Variants in MRPL13 observed in about 807,000 individuals in gnomAD.
MRPL13 encodes mitochondrial ribosomal protein L13.
A neutral mutation model predicts 29.0 loss-of-function variants in MRPL13; 33 were observed. That is an observed-to-expected ratio of 1.14 (90% CI 0.86 to 1.52). MRPL13 has a LOEUF of 1.52. Among genes scored for constraint, MRPL13 ranks in the 40% most tolerant of loss-of-function variants. The pLI, the probability that MRPL13 is intolerant of heterozygous loss-of-function variation, is 0.00. For synonymous variants in MRPL13, 77 were observed against 68.4 expected, an observed-to-expected ratio of 1.13 and a Z score of -0.62; for missense variants, 227 against 216.7, an observed-to-expected ratio of 1.05 and a Z score of -0.30.
At chr8:120,432,009 C>A in intron 3 of MRPL13, 21 bp downstream of exon 3, 1 of 1,508,318 alleles carries the variant, frequency 6.6e-7, no homozygotes, top group South Asian at 1.3e-5. Context: ...CCTAATTTCC[C>A]TGACAACAGC....
At chr8:120,411,015 T>A (rs1169945407) in intron 6 of MRPL13, among the ~76,000 whole-genome samples, 1 of 151,672 alleles carries the variant, frequency 6.6e-6, no homozygotes, top group African/African-American at 2.4e-5. Flanking sequence ...CAACCTTAGG[T>A]GATCCACCGC....
chr8:120,442,065 T>C (rs571074679), intron 2 of MRPL13, among the ~76,000 whole-genome samples: 1 of 152,250 alleles, frequency 6.6e-6, no homozygotes, highest in South Asian at 2.1e-4. Context: ...TGCACAGACA[T>C]TTCACAGGAC....
intron 3 of MRPL13, among the ~76,000 whole-genome samples, chr8:120,430,270 A>G (rs1212965689): frequency 6.6e-6 from 1 of 152,194 alleles, no homozygotes; most frequent in East Asian, 1.9e-4. Flanking sequence ...TCAAAAAACA[A>G]AACAAAATGA....
chr8:120,408,376 TAG>T (rs1812701869), intron 6 of MRPL13, among the ~76,000 whole-genome samples: 1 of 152,232 alleles, frequency 6.6e-6, no homozygotes, highest in Non-Finnish European at 1.5e-5. Context: ...GTTGTTTAAA[TAG>T]AGACTACTTT....
At chr8:120,421,891 T>TTATATATA (rs1317484472) in intron 4 of MRPL13, among the ~76,000 whole-genome samples, 1 of 151,798 alleles carries the variant, frequency 6.6e-6, no homozygotes, top group Non-Finnish European at 1.5e-5. Flanking sequence ...AAAGTATAAT[T>TTATATATA]TATTGTTAAC....
intron 4 of MRPL13, 96 bp from the exon 5 acceptor site, chr8:120,420,034 G>T: frequency 1.4e-6 from 1 of 704,622 alleles, no homozygotes; most frequent in Non-Finnish European, 2.1e-6. Context: ...GAGGGGTTTA[G>T]ATTCAACACG....
intron 6 of MRPL13, among the ~76,000 whole-genome samples, chr8:120,401,473 CA>C (rs1406229788): frequency 6.6e-6 from 1 of 152,134 alleles, no homozygotes; most frequent in African/African-American, 2.4e-5. Context: ...TAAAAACTCT[CA>C]ATAAACTAGG....
At chr8:120,416,751 T>C (rs982556887) in intron 5 of MRPL13, among the ~76,000 whole-genome samples, 13 of 152,200 alleles carry the variant, frequency 8.5e-5, no homozygotes, top group Admixed American at 2.0e-4. Context: ...TCTGTCTATA[T>C]ACAAACACTT....
At chr8:120,403,089 GC>G in intron 6 of MRPL13, among the ~76,000 whole-genome samples, 1 of 152,156 alleles carries the variant, frequency 6.6e-6, no homozygotes, top group East Asian at 1.9e-4. Context: ...AGACAGTGTG[GC>G]AATTCCTCAA....
At chr8:120,437,066 T>G (rs190919591) in intron 2 of MRPL13, among the ~76,000 whole-genome samples, 69 of 152,304 alleles carry the variant, frequency 4.5e-4, no homozygotes, top group Non-Finnish European at 5.6e-4. Context: ...GAGATACGTA[T>G]TCTAGATATA....
chr8:120,411,669 G>GA lies in MRPL13; in HGVS notation c.515+2321dup, dbSNP rs376465980. Among the ~76,000 whole-genome samples, 110 of 152,190 alleles carry GA rather than the reference G, an allele frequency of 7.2e-4. 1 individual carries two copies. The highest frequency in any genetic ancestry group is 2.5e-3 in the African/African-American group (105 of 41,544). ...ACATATGCGTGTGACTATTTATGAG[G>GA]AAAAAATCACAACCTTAATAAAGCA... On this transcript the variant is annotated intron_variant, in intron 6 of 6. Coordinates refer to ENST00000306185, the MANE Select transcript of MRPL13 (RefSeq NM_014078.6).
intron 6 of MRPL13, among the ~76,000 whole-genome samples, chr8:120,410,788 CTTTT>C: frequency 6.7e-6 from 1 of 148,550 alleles, no homozygotes; most frequent in South Asian, 2.1e-4. Flanking sequence ...CTTTCTCTCT[CTTTT>C]TTTTTTGAGA....
chr8:120,436,021 T>C (rs549704011), intron 2 of MRPL13, among the ~76,000 whole-genome samples: 5 of 152,094 alleles, frequency 3.3e-5, no homozygotes, highest in Non-Finnish European at 7.4e-5. Context: ...AAGAAATTCT[T>C]GTTAATCAAT....
chr8:120,424,242 G>A lies in MRPL13; in HGVS notation c.306+1064C>T, dbSNP rs1378452282. Reference sequence around the variant, plus strand: ...CAGTACATATTGACCCTGATCAATTGTTTAGAAAGATTCCAATTCCAATCT... The same window carrying A: ...CAGTACATATTGACCCTGATCAATTATTTAGAAAGATTCCAATTCCAATCT... On this transcript the variant is annotated intron_variant, in intron 4 of 6. Coordinates refer to ENST00000306185, the MANE Select transcript of MRPL13 (RefSeq NM_014078.6). 5.9e-5 allele frequency among the ~76,000 whole-genome samples: 9 copies of A among 152,222 alleles called. 1 individual carries two copies. The South Asian group carries it at 1.9e-3, about 32-fold the overall frequency.
intron 4 of MRPL13, among the ~76,000 whole-genome samples, chr8:120,420,731 T>C (rs1812863256): frequency 6.6e-6 from 1 of 151,732 alleles, no homozygotes; most frequent in Non-Finnish European, 1.5e-5. Flanking sequence ...ACTGACAATG[T>C]TAAGACTATC....
chr8:120,398,491 C>A lies in MRPL13; in HGVS notation c.516-2366G>T, dbSNP rs543475816. Among the ~76,000 whole-genome samples, 72 of 152,294 alleles carry A rather than the reference C, an allele frequency of 4.7e-4. 2 individuals are homozygous for A. Among genetic ancestry groups the A allele is most frequent in the East Asian group, 1.9e-3 (10 of 5,188 alleles). On this transcript the variant is annotated intron_variant, in intron 6 of 6. Coordinates refer to ENST00000306185, the MANE Select transcript of MRPL13 (RefSeq NM_014078.6). ...ACAAAAAAGACCCCACAAAACCCCA[C>A]TGAAAGGTAAGCCACCTCAAAAATC...
chr8:120,431,931 A>ATT (rs2130479522), intron 3 of MRPL13, 99 bp downstream of exon 3: 1 of 892,740 alleles, frequency 1.1e-6, no homozygotes, highest in Non-Finnish European at 1.6e-6. Flanking sequence ...ATAAATGCTG[A>ATT]TTTTTAAAAA....
At chr8:120,412,642 A>T (rs912313672) in intron 6 of MRPL13, among the ~76,000 whole-genome samples, 2 of 152,188 alleles carry the variant, frequency 1.3e-5, no homozygotes, top group African/African-American at 4.8e-5. Flanking sequence ...ATTTTTAGGG[A>T]AAGAGCTCAT....
At chr8:120,433,620 C>G (rs1282887166) in intron 2 of MRPL13, among the ~76,000 whole-genome samples, 1 of 152,066 alleles carries the variant, frequency 6.6e-6, no homozygotes, top group Non-Finnish European at 1.5e-5. Flanking sequence ...TCTAAGGTAT[C>G]ACATCTAATC....
Sources: gnomAD v4.1 joint callset for allele counts (sites outside exome capture counted in the v4.1 genomes callset) on GRCh38, gnomAD v4.1.1 for gene constraint, MANE v1.5 for transcripts, NCBI Gene and HGNC (gene_info 2026-07-23, HGNC 2026-07-21) for gene names.